The following INPP5A variants were observed in gnomAD, a reference collection of about 807,000 sequenced individuals.
INPP5A encodes 43 kDa inositol polyphosphate 5-phophatase.
INPP5A carries 14 observed loss-of-function variants against 65.2 expected under a neutral mutation model. The observed-to-expected ratio is 0.21, with a 90% confidence interval of 0.14 to 0.34. The LOEUF (loss-of-function observed/expected upper bound fraction) is 0.34. INPP5A is among the 10% of genes least tolerant of loss of function. The probability of loss-of-function intolerance (pLI) is 1.00; values close to 1 mark genes in which losing one functional copy is unlikely to be tolerated. For missense variants in INPP5A, 431 were observed against 545.6 expected, an observed-to-expected ratio of 0.79 and a Z score of 2.09; for synonymous variants, 207 against 208.3, an observed-to-expected ratio of 0.99 and a Z score of 0.05.
intron 1 of INPP5A, among the ~76,000 whole-genome samples, chr10:132,542,912 C>G (rs2070924758): frequency 6.6e-6 from 1 of 152,224 alleles, no homozygotes; most frequent in African/African-American, 2.4e-5. Flanking sequence ...AAGCCATCCT[C>G]CTGCCTCAGC....
intron 1 of INPP5A, among the ~76,000 whole-genome samples, chr10:132,594,549 G>T (rs1170138972): frequency 6.6e-6 from 1 of 152,016 alleles, no homozygotes; most frequent in Non-Finnish European, 1.5e-5. Context: ...TGTGGTGCAT[G>T]CGTGTGTAGG....
chr10:132,563,367 C>T (rs1048951807), intron 1 of INPP5A, among the ~76,000 whole-genome samples: 11 of 152,156 alleles, frequency 7.2e-5, no homozygotes, highest in Non-Finnish European at 1.3e-4. Context: ...CCGGGTGCTG[C>T]GGGAGCCTTT....
intron 8 of INPP5A, among the ~76,000 whole-genome samples, chr10:132,717,360 C>T (rs1187214860): frequency 6.6e-6 from 1 of 151,100 alleles, no homozygotes; most frequent in African/African-American, 2.5e-5. Flanking sequence ...TGGGGATCAG[C>T]GGGTTGGTCA....
rs557679495 is a variant in INPP5A at position 132,659,949 on chromosome 10, C to T, written c.306+9444C>T. Among the ~76,000 whole-genome samples, 103 of 152,232 alleles carry T rather than the reference C, an allele frequency of 6.8e-4. No individual in the cohort carries two copies. The highest frequency in any genetic ancestry group is 6.5e-4 in the Admixed American group (10 of 15,280). On this transcript the variant is annotated intron_variant, in intron 4 of 15. Coordinates refer to ENST00000368594, the MANE Select transcript of INPP5A (RefSeq NM_005539.5). The surrounding 1 kb of genome is among the most constrained non-coding windows in gnomAD (Gnocchi z 5.5). ...CATGTGACATACAACACATGACACG[C>T]GGCATACTCCCTGTGACATGGCACA...
At position 132,697,734 on chromosome 10, in the gene INPP5A, G is replaced by A. The variant is rs541598075; in HGVS notation, c.371-82G>A. The A allele has an allele frequency of 5.4e-5, 52 of 954,714 alleles. No homozygotes were observed. Among genetic ancestry groups the A allele is most frequent in the Non-Finnish European group, 8.1e-5 (49 of 603,680 alleles). The allele number at this position is 954,714 out of a possible 1,614,324, so 59.1% of individuals were successfully genotyped here. On this transcript the variant is annotated intron_variant, in intron 5 of 15. Transcript: ENST00000368594. This position sits in a 1 kb window ranked among gnomAD's most constrained non-coding sequence, Gnocchi z 5.6. ...CTCTGGCTCCCATCGGGCTGAAGTC[G>A]GGTGGAAACAGGTTGTGCTCCAGGC... is the stretch of plus-strand genomic sequence containing the variant.
chr10:132,770,197 G>A (rs2134681347), intron 12 of INPP5A, among the ~76,000 whole-genome samples: 1 of 152,248 alleles, frequency 6.6e-6, no homozygotes, highest in South Asian at 2.1e-4. Flanking sequence ...TCTCCTCTGG[G>A]CAGGCTGAGC....
intron 1 of INPP5A, among the ~76,000 whole-genome samples, chr10:132,605,704 C>T (rs182836733): frequency 2.5e-4 from 38 of 152,192 alleles, no homozygotes; most frequent in Non-Finnish European, 5.0e-4. Context: ...CCATGGTCAC[C>T]GTGGCCGTCA....
intron 2 of INPP5A, among the ~76,000 whole-genome samples, chr10:132,617,306 A>G (rs1851908034): frequency 6.6e-6 from 1 of 152,122 alleles, no homozygotes; most frequent in Non-Finnish European, 1.5e-5. Context: ...GCTTGGGGCA[A>G]AGCCACCCTG....
At chr10:132,688,934 G>A (rs1394686461) in intron 4 of INPP5A, among the ~76,000 whole-genome samples, 3 of 151,994 alleles carry the variant, frequency 2.0e-5, no homozygotes, top group African/African-American at 7.3e-5. Context: ...ATGTGTGCAT[G>A]TTAGTGCCTG....
chr10:132,565,859 TTGTG>T (rs1412908998), intron 1 of INPP5A, among the ~76,000 whole-genome samples: 1 of 151,822 alleles, frequency 6.6e-6, no homozygotes. Flanking sequence ...GTGTGTGTGT[TTGTG>T]TGTGCCATTT....
In INPP5A at chr10:132,552,394, G is replaced by A. The variant is rs559524152; in HGVS notation, c.75+14223G>A. 5.6e-3 allele frequency among the ~76,000 whole-genome samples: 814 copies of A among 144,084 alleles called. 4 individuals are homozygous for A. The highest frequency in any genetic ancestry group is 0.021 in the African/African-American group (768 of 37,066). 94.5% of individuals were successfully genotyped at this position (144,084 alleles called of 152,430 possible). A position where few individuals can be genotyped will look rare whatever the true frequency, so the allele number is the denominator to read the frequency against. On this transcript the variant is annotated intron_variant, in intron 1 of 15. Coordinates refer to ENST00000368594, the MANE Select transcript of INPP5A (RefSeq NM_005539.5). ...CTTGGTGGCATATTGAGTGGGATAG[G>A]GAGGGAGGATTGGTGAACGCCTTCT...
chr10:132,718,502 TG>T (rs2134553976), intron 8 of INPP5A, among the ~76,000 whole-genome samples: 1 of 94,304 alleles, frequency 1.1e-5, no homozygotes, highest in South Asian at 3.8e-4. Context: ...GCGCCTTAGA[TG>T]GCTGTCTTGC....
At chr10:132,567,470 T>C (rs1409014977) in intron 1 of INPP5A, among the ~76,000 whole-genome samples, 1 of 152,208 alleles carries the variant, frequency 6.6e-6, no homozygotes, top group African/African-American at 2.4e-5. Context: ...TAAAAACCTT[T>C]GTATGGTGAA....
intron 2 of INPP5A, among the ~76,000 whole-genome samples, chr10:132,635,265 T>G (rs1305539588): frequency 6.6e-6 from 1 of 152,212 alleles, no homozygotes; most frequent in Non-Finnish European, 1.5e-5. Context: ...CCATTTTTTA[T>G]TTTTCTGTTT....
Position 132,538,250 on chromosome 10 carries a change from G to C in INPP5A, c.75+79G>C. 1.2e-6 allele frequency: 1 copy of C among 821,950 alleles called. No homozygotes were observed. Among genetic ancestry groups the C allele is most frequent in the South Asian group, 5.2e-5 (1 of 19,132 alleles). 50.9% of individuals were successfully genotyped at this position (821,950 alleles called of 1,614,324 possible). On this transcript the variant is annotated intron_variant, in intron 1 of 15. Transcript: ENST00000368594. The surrounding 1 kb of genome is among the most constrained non-coding windows in gnomAD (Gnocchi z 4.1). ...CCCGGGGTCCCGAACTGCAAGCCTT[G>C]GACCCTGGACCGTGAACCTCCAGAC...
chr10:132,771,820 G>A lies in INPP5A; in HGVS notation c.978-5851G>A, dbSNP rs113611892. On this transcript the variant is annotated intron_variant, in intron 12 of 15. Coordinates refer to ENST00000368594, the MANE Select transcript of INPP5A (RefSeq NM_005539.5). ...ACACGGAGGCCCAGGCAGCCGCCCC[G>A]TGAAGAGTGGGGCACTCAGCACTGA... is the stretch of plus-strand genomic sequence containing the variant. Among the ~76,000 whole-genome samples the A allele has an allele frequency of 1.4e-3, 134 of 96,068 alleles. 2 individuals carry two copies. The highest frequency in any genetic ancestry group is 1.6e-3 in the South Asian group (4 of 2,556). 63.0% of individuals were successfully genotyped at this position (96,068 alleles called of 152,430 possible). A position where few individuals can be genotyped will look rare whatever the true frequency, so the allele number is the denominator to read the frequency against.
At position 132,679,900 on chromosome 10, in the gene INPP5A, C is replaced by T. The variant is rs552291337; in HGVS notation, c.307-10492C>T. Among the ~76,000 whole-genome samples, 16 of 152,284 alleles carry T rather than the reference C, an allele frequency of 1.1e-4. No individual in the cohort carries two copies. The East Asian group carries it at 2.9e-3, about 28-fold the overall frequency. ...CAGCCTCCAGCCAGTGGTGCTGGGACGCTGATACCCACACGCAGAAGAATG... is the reference window on the plus strand; with the variant it reads ...CAGCCTCCAGCCAGTGGTGCTGGGATGCTGATACCCACACGCAGAAGAATG... On this transcript the variant is annotated intron_variant, in intron 4 of 15. Transcript: ENST00000368594.
intron 1 of INPP5A, among the ~76,000 whole-genome samples, chr10:132,592,404 A>ATGTT (rs55925235): frequency 0.046 from 6,998 of 151,768 alleles, 256 homozygotes; most frequent in Non-Finnish European, 0.058. Context: ...TGGGGCAAAA[A>ATGTT]TGTTTGTTTG....
chr10:132,779,567 G>A (rs965352203), intron 13 of INPP5A, among the ~76,000 whole-genome samples: 7 of 152,228 alleles, frequency 4.6e-5, no homozygotes, highest in Admixed American at 3.9e-4. Context: ...CAGCCTCTCG[G>A]GTTCTCTGGA....
Sources: allele counts gnomAD v4.1 joint callset (sites outside exome capture counted in the v4.1 genomes callset), GRCh38; gene constraint gnomAD v4.1.1; non-coding constraint Gnocchi (gnomAD v3.1); transcripts MANE v1.5; gene names NCBI Gene and HGNC (gene_info 2026-07-23, HGNC 2026-07-21).